WIPF2: variants seen among roughly 807,000 people sequenced by gnomAD.
WIPF2 encodes WAS/WASL-interacting protein family member 2.
Under a neutral mutation model 38.8 loss-of-function variants are expected in WIPF2, and 23 were observed. That is an observed-to-expected ratio of 0.59 (90% CI 0.43 to 0.84). The LOEUF is 0.84. Among genes scored for constraint, WIPF2 ranks in the 40% least tolerant of loss-of-function variants. The probability of loss-of-function intolerance (pLI) is 0.00; values close to 1 mark genes in which losing one functional copy is unlikely to be tolerated. For missense variants in WIPF2, 574 were observed against 580.5 expected (o/e 0.99, Z 0.11); for synonymous variants, 210 against 223.2 (o/e 0.94, Z 0.53).
intron 6 of WIPF2, among the ~76,000 whole-genome samples, chr17:40,274,931 C>CAAACA (rs1555564783): frequency 4.4e-5 from 2 of 45,580 alleles, no homozygotes; most frequent in African/African-American, 1.7e-4. Context: ...GAATCTGTCT[C>CAAACA]AAAAAAAAAA....
In WIPF2 at chr17:40,219,397, G is replaced by GCGGCGGCGGCGGCGGCGGCGA; in HGVS notation, c.-163_-162insGCGGCGGCGGCGGCGGCGACG. 2.4e-6 allele frequency: 1 copy of GCGGCGGCGGCGGCGGCGGCGA among 415,380 alleles called. No individual in the cohort carries two copies. The highest frequency in any genetic ancestry group is 4.6e-6 in the Non-Finnish European group (1 of 219,506). The allele number at this position is 415,380 out of a possible 1,614,324, so 25.7% of individuals were successfully genotyped here. On this transcript the variant is annotated 5_prime_UTR_variant, in exon 1 of 8. Coordinates refer to ENST00000323571, the MANE Select transcript of WIPF2 (RefSeq NM_133264.5). Reference sequence around the variant, plus strand: ...GGCGGCGGCGGCGGCGGCGGCGGCGGCGACGGCGAGAAAGAGCTTGCCGGG... The same window carrying GCGGCGGCGGCGGCGGCGGCGA: ...GGCGGCGGCGGCGGCGGCGGCGGCGGCGGCGGCGGCGGCGGCGGCGACGACGGCGAGAAAGAGCTTGCCGGG...
At chr17:40,239,538 G>A (rs191300572) in intron 1 of WIPF2, among the ~76,000 whole-genome samples, 1 of 152,152 alleles carries the variant, frequency 6.6e-6, no homozygotes, top group African/African-American at 2.4e-5. Flanking sequence ...TGTAAGTCTG[G>A]CTGCCAATGT....
At chr17:40,277,782 G>A (rs933376443) in intron 7 of WIPF2, among the ~76,000 whole-genome samples, 3 of 140,592 alleles carry the variant, frequency 2.1e-5, no homozygotes, top group African/African-American at 5.7e-5. Context: ...CTGGAGTGCA[G>A]TGGTGCCATC....
rs2032428881 is a variant in WIPF2 at position 40,277,188 on chromosome 17, A to G, written c.1282+4A>G. The G allele has an allele frequency of 6.3e-7, 1 of 1,595,136 alleles. No individual in the cohort carries two copies. Among genetic ancestry groups the G allele is most frequent in the South Asian group, 1.1e-5 (1 of 88,758 alleles). ...TATCCCAGCAAAACAAACCGAGGTG[A>G]GAATAATAATAAGAAGGTTTTTCCA... On this transcript the variant is annotated splice_donor_region_variant and intron_variant, in intron 7 of 7. Transcript: ENST00000323571.
chr17:40,264,425 G>A, intron 4 of WIPF2, 65 bp from the exon 5 acceptor site: 16 of 1,480,522 alleles, frequency 1.1e-5, no homozygotes, highest in Non-Finnish European at 1.5e-5. Flanking sequence ...GGAGCCGAGT[G>A]AAGTAGGGAT....
At chr17:40,240,658 A>AG (rs2031157042) in intron 1 of WIPF2, among the ~76,000 whole-genome samples, 1 of 151,762 alleles carries the variant, frequency 6.6e-6, no homozygotes, top group Non-Finnish European at 1.5e-5. Context: ...ATAAAAAAAA[A>AG]TCCTGGCCAG....
chr17:40,248,626 T>C (rs2031454086), intron 1 of WIPF2, among the ~76,000 whole-genome samples: 1 of 152,194 alleles, frequency 6.6e-6, no homozygotes, highest in Admixed American at 6.6e-5. Flanking sequence ...CAAACATTTA[T>C]GTTTCATCTC....
At chr17:40,221,290 T>G (rs191203630) in intron 1 of WIPF2, among the ~76,000 whole-genome samples, 1 of 152,292 alleles carries the variant, frequency 6.6e-6, no homozygotes, top group East Asian at 1.9e-4. Flanking sequence ...ATGGATTTAG[T>G]AAATAACTTC....
chr17:40,221,569 C>T (rs1190507551), intron 1 of WIPF2, among the ~76,000 whole-genome samples: 1 of 151,758 alleles, frequency 6.6e-6, no homozygotes, highest in African/African-American at 2.4e-5. Context: ...CCCCATCTCT[C>T]TCTCTGTCTC....
intron 1 of WIPF2, among the ~76,000 whole-genome samples, chr17:40,223,545 G>A (rs1400323608): frequency 1.3e-5 from 2 of 151,112 alleles, no homozygotes; most frequent in Admixed American, 6.6e-5. Context: ...AAAAAAAAAG[G>A]CAAGAGGCAA....
intron 1 of WIPF2, among the ~76,000 whole-genome samples, chr17:40,222,573 ATGTGTGTGTGTGTT>A (rs1342216431): frequency 7.1e-6 from 1 of 139,974 alleles, no homozygotes; most frequent in Non-Finnish European, 1.5e-5. Flanking sequence ...AGCCTTGCTC[ATGTGTGTGTGTGTT>A]TGTGTGTGTG....
intron 2 of WIPF2, among the ~76,000 whole-genome samples, chr17:40,259,411 G>A (rs528174981): frequency 6.6e-6 from 1 of 151,146 alleles, no homozygotes; most frequent in South Asian, 2.1e-4. Context: ...CTCCAGCCTG[G>A]ATGGTAGAAT....
intron 6 of WIPF2, among the ~76,000 whole-genome samples, chr17:40,276,520 CA>C (rs1160459322): frequency 1.8e-3 from 130 of 71,612 alleles, no homozygotes; most frequent in African/African-American, 6.6e-3. Flanking sequence ...GACTCCGTCT[CA>C]AAAAAAAAAA....
In WIPF2 at chr17:40,262,508, A is replaced by C; in HGVS notation, c.197-17A>C. The C allele has an allele frequency of 6.2e-7, 1 of 1,605,072 alleles. No individual in the cohort carries two copies. Among genetic ancestry groups the C allele is most frequent in the Non-Finnish European group, 8.5e-7 (1 of 1,172,162 alleles). On this transcript the variant is annotated splice_polypyrimidine_tract_variant and intron_variant, in intron 3 of 7. Coordinates refer to ENST00000323571, the MANE Select transcript of WIPF2 (RefSeq NM_133264.5). ...TGAGAGCATGTGAAATGAAAACCCT[A>C]CTGGTATGCTTTCCAGAGCCGAAAG...
chr17:40,252,068 G>A (rs560332596), intron 1 of WIPF2, among the ~76,000 whole-genome samples: 2 of 152,218 alleles, frequency 1.3e-5, no homozygotes, highest in African/African-American at 4.8e-5. Context: ...GCAATTATAG[G>A]CAAGCGCCAC....
chr17:40,258,040 G>T (rs943876714), intron 2 of WIPF2, among the ~76,000 whole-genome samples: 3 of 152,152 alleles, frequency 2.0e-5, no homozygotes, highest in African/African-American at 7.2e-5. Context: ...TTTGTTTTAG[G>T]AGTATGTATG....
chr17:40,265,211 A>G (rs2032049891), intron 5 of WIPF2, 65 bp downstream of exon 5: 4 of 1,511,584 alleles, frequency 2.6e-6, no homozygotes, highest in Non-Finnish European at 3.6e-6. Flanking sequence ...TCCCCAGAGC[A>G]CTCCTTGAAG....
intron 1 of WIPF2, among the ~76,000 whole-genome samples, chr17:40,225,518 A>G (rs2030442275): frequency 6.6e-6 from 1 of 152,226 alleles, no homozygotes; most frequent in Non-Finnish European, 1.5e-5. Context: ...CTTCCTTGCC[A>G]TTTAAGCTTG....
At chr17:40,274,574 A>G (rs1258936218) in intron 6 of WIPF2, among the ~76,000 whole-genome samples, 3 of 147,998 alleles carry the variant, frequency 2.0e-5, no homozygotes, top group South Asian at 2.3e-4. Flanking sequence ...AAAAAAAAAA[A>G]AAAAAAAAAA....
Sources: allele counts gnomAD v4.1 joint callset (sites outside exome capture counted in the v4.1 genomes callset), GRCh38; gene constraint gnomAD v4.1.1; transcripts MANE v1.5; gene names NCBI Gene and HGNC (gene_info 2026-07-23, HGNC 2026-07-21).